Variants in HNF4G observed in about 807,000 individuals in gnomAD.
The protein encoded by HNF4G is hepatocyte nuclear factor 4-gamma.
A neutral mutation model predicts 50.9 loss-of-function variants in HNF4G; 21 were observed. The observed-to-expected ratio is 0.41, with a 90% CI of 0.29 to 0.59. The LOEUF (loss-of-function observed/expected upper bound fraction) is 0.59. HNF4G is among the 20% of genes least tolerant of loss of function. HNF4G has a pLI of 0.26. For missense variants in HNF4G, 527 were observed against 559.4 expected (o/e 0.94, Z 0.58); for synonymous variants, 198 against 185.6 (o/e 1.07, Z -0.54).
At chr8:75,442,179 C>T (rs1044385974) in intron 1 of HNF4G, among the ~76,000 whole-genome samples, 2 of 151,984 alleles carry the variant, frequency 1.3e-5, no homozygotes, top group African/African-American at 2.4e-5. Flanking sequence ...GTTATTATCA[C>T]AGGATAGAAA....
rs956951961 is a variant in HNF4G, at chr8:75,473,163, G to T, written c.-143-16926G>T. 7.2e-5 allele frequency among the ~76,000 whole-genome samples: 11 copies of T among 152,108 alleles called. No homozygotes were observed. In the Middle Eastern group the frequency reaches 0.01, roughly 141 times the overall value. On this transcript the variant is annotated intron_variant, in intron 1 of 10. Coordinates refer to the HNF4G transcript ENST00000354370. Reference sequence around the variant, plus strand: ...TCTCTACTAAAAATACAAAAAATTAGCCAGGCGTGGTTGTGGGTGCCTGTA... The same window carrying T: ...TCTCTACTAAAAATACAAAAAATTATCCAGGCGTGGTTGTGGGTGCCTGTA...
intron 2 of HNF4G, among the ~76,000 whole-genome samples, chr8:75,503,471 G>A (rs1166186448): frequency 1.3e-5 from 2 of 152,048 alleles, no homozygotes; most frequent in African/African-American, 4.8e-5. Flanking sequence ...AGTGAGAGAT[G>A]TTGTCAAGAT....
At chr8:75,494,403 A>C (rs1435017700) in intron 2 of HNF4G, among the ~76,000 whole-genome samples, 1 of 151,940 alleles carries the variant, frequency 6.6e-6, no homozygotes, top group Non-Finnish European at 1.5e-5. Flanking sequence ...GATACGTGAA[A>C]ATTTAAGTCA....
intron 2 of HNF4G, among the ~76,000 whole-genome samples, chr8:75,494,300 G>GCGCACA (rs1491290368): frequency 6.5e-5 from 5 of 77,264 alleles, no homozygotes; most frequent in African/African-American, 7.9e-5. Context: ...CTCCCATACA[G>GCGCACA]CACACACACA....
chr8:75,438,979 C>A (rs1226596174), intron 1 of HNF4G, among the ~76,000 whole-genome samples: 5 of 151,980 alleles, frequency 3.3e-5, no homozygotes, highest in African/African-American at 1.2e-4. Context: ...AGATCTTCCT[C>A]ATTATTTCTT....
chr8:75,434,218 G>A (rs1270887106), intron 1 of HNF4G, among the ~76,000 whole-genome samples: 3 of 151,406 alleles, frequency 2.0e-5, no homozygotes, highest in Non-Finnish European at 2.9e-5. Flanking sequence ...TGGCCAGGAT[G>A]GTCTCGATCT....
intron 2 of HNF4G, among the ~76,000 whole-genome samples, chr8:75,502,824 G>A (rs928708119): frequency 6.6e-6 from 1 of 152,104 alleles, no homozygotes; most frequent in African/African-American, 2.4e-5. Flanking sequence ...ACATTTGTAG[G>A]CTATTCATGA....
At chr8:75,538,118 A>G (rs943690993), upstream of HNF4G, among the ~76,000 whole-genome samples, 5 of 152,192 alleles carry the variant, frequency 3.3e-5, no homozygotes, top group Admixed American at 6.5e-5. Context: ...CAAATCTACC[A>G]TATCTTCTGG....
chr8:75,413,986 T>C (rs1810568130), intron 1 of HNF4G, among the ~76,000 whole-genome samples: 1 of 152,202 alleles, frequency 6.6e-6, no homozygotes, highest in African/African-American at 2.4e-5. Context: ...AGAAATTAAA[T>C]ATAAATTCTT....
intron 1 of HNF4G, among the ~76,000 whole-genome samples, chr8:75,410,630 A>C (rs1810477808): frequency 6.6e-6 from 1 of 152,162 alleles, no homozygotes; most frequent in African/African-American, 2.4e-5. Flanking sequence ...AACATGTTGC[A>C]GTTGTGATTT....
chr8:75,538,536 T>C (rs950603653), upstream of HNF4G, among the ~76,000 whole-genome samples: 1 of 152,184 alleles, frequency 6.6e-6, no homozygotes, highest in Non-Finnish European at 1.5e-5. Context: ...TTCATCCCTT[T>C]GGTTCCTATA....
At chr8:75,481,771 A>G (rs968698040) in intron 1 of HNF4G, among the ~76,000 whole-genome samples, 2 of 152,200 alleles carry the variant, frequency 1.3e-5, no homozygotes, top group Middle Eastern at 3.2e-3. Flanking sequence ...TAAATTTTCA[A>G]TGAAATTTTT....
intron 1 of HNF4G, among the ~76,000 whole-genome samples, chr8:75,474,979 AG>A (rs893164190): frequency 2.6e-5 from 4 of 151,012 alleles, no homozygotes; most frequent in African/African-American, 9.8e-5. Context: ...TACAGGTGTG[AG>A]CCACTGTGCC....
chr8:75,434,203 C>T (rs1011550899), intron 1 of HNF4G, among the ~76,000 whole-genome samples: 2 of 151,598 alleles, frequency 1.3e-5, no homozygotes, highest in Admixed American at 6.6e-5. Context: ...GAGGTTGTAC[C>T]GTGCTGGCCA....
chr8:75,423,580 CG>C (rs1380205519), intron 1 of HNF4G, among the ~76,000 whole-genome samples: 1 of 151,428 alleles, frequency 6.6e-6, no homozygotes, highest in African/African-American at 2.4e-5. Flanking sequence ...TTAGTAGAGA[CG>C]GGGTTTCACC....
chr8:75,462,326 A>G (rs912135424), intron 1 of HNF4G, among the ~76,000 whole-genome samples: 10 of 152,176 alleles, frequency 6.6e-5, no homozygotes, highest in Non-Finnish European at 1.3e-4. Context: ...ATCAACTGTC[A>G]CAGTATCACA....
intron 2 of HNF4G, chr8:75,526,829 T>G (rs1296995284): frequency 2.0e-5 from 3 of 151,650 alleles, no homozygotes; most frequent in Admixed American, 1.3e-4. Context: ...TGCAGTGGCG[T>G]GATCTCGGCT....
intron 2 of HNF4G, among the ~76,000 whole-genome samples, chr8:75,516,199 C>A (rs944830118): frequency 2.6e-5 from 4 of 152,230 alleles, no homozygotes; most frequent in African/African-American, 9.6e-5. Context: ...ATAAATTAAT[C>A]TTTACACATT....
chr8:75,519,329 G>A (rs915052298), intron 2 of HNF4G, among the ~76,000 whole-genome samples: 1 of 152,118 alleles, frequency 6.6e-6, no homozygotes, highest in African/African-American at 2.4e-5. Flanking sequence ...ACATCTTCCT[G>A]TCTTCTTCTG....
Sources: allele counts gnomAD v4.1 joint callset (sites outside exome capture counted in the v4.1 genomes callset), GRCh38; gene constraint gnomAD v4.1.1; transcripts MANE v1.5; gene names NCBI Gene and HGNC (gene_info 2026-07-23, HGNC 2026-07-21).